TUSC3: variants seen among roughly 807,000 people sequenced by gnomAD.
TUSC3 encodes the protein tumor suppressor candidate 3.
A neutral mutation model predicts 44.8 loss-of-function variants in TUSC3; 45 were observed. The ratio of observed to expected loss-of-function variants is 1.00; its 90% CI spans 0.79 to 1.29. The LOEUF is 1.29. TUSC3 is among the 50% of genes most tolerant of loss of function. The probability of loss-of-function intolerance (pLI) is 0.00; values close to 1 mark genes in which losing one functional copy is unlikely to be tolerated. For synonymous variants in TUSC3, 212 were observed against 152.9 expected (o/e 1.39, Z -2.85); for missense variants, 519 against 437.9 (o/e 1.19, Z -1.65).
intron 1 of TUSC3, among the ~76,000 whole-genome samples, chr8:15,440,884 G>T (rs1031283780): frequency 6.6e-6 from 1 of 152,152 alleles, no homozygotes; most frequent in African/African-American, 2.4e-5. Context: ...TAGAGAGCTT[G>T]CTTGAGGATA....
At chr8:15,457,348 C>G (rs1027806428) in intron 1 of TUSC3, among the ~76,000 whole-genome samples, 1 of 151,262 alleles carries the variant, frequency 6.6e-6, no homozygotes. Flanking sequence ...AAAACAAAAA[C>G]AAATAGAAAA....
At chr8:15,601,004 G>C (rs569810770) in intron 1 of TUSC3, among the ~76,000 whole-genome samples, 1 of 151,590 alleles carries the variant, frequency 6.6e-6, no homozygotes, top group South Asian at 2.1e-4. Flanking sequence ...GAAATACACA[G>C]GTTCACTGAA....
intron 1 of TUSC3, among the ~76,000 whole-genome samples, chr8:15,478,439 G>T (rs771364736): frequency 2.6e-5 from 4 of 151,872 alleles, no homozygotes; most frequent in Admixed American, 6.6e-5. Context: ...CCCAACTCCC[G>T]CCAAGAGGCC....
intron 1 of TUSC3, among the ~76,000 whole-genome samples, chr8:15,450,736 A>T (rs1585050560): frequency 6.6e-6 from 1 of 152,230 alleles, no homozygotes; most frequent in South Asian, 2.1e-4. Flanking sequence ...AGCCTTAGTA[A>T]CACAGAAGTT....
downstream of TUSC3, among the ~76,000 whole-genome samples, chr8:15,770,375 A>C (rs1812419627): frequency 6.6e-6 from 1 of 152,090 alleles, no homozygotes; most frequent in Non-Finnish European, 1.5e-5. Context: ...GCATGGACAC[A>C]CGGAGGGGAA....
intron 6 of TUSC3, among the ~76,000 whole-genome samples, chr8:15,711,498 T>C (rs1031581817): frequency 7.6e-6 from 1 of 130,852 alleles, no homozygotes; most frequent in Non-Finnish European, 1.7e-5. Flanking sequence ...GTGTGTGTAT[T>C]TAATATGTGT....
intron 1 of TUSC3, among the ~76,000 whole-genome samples, chr8:15,584,580 T>G (rs976354498): frequency 5.3e-5 from 8 of 152,122 alleles, no homozygotes; most frequent in African/African-American, 1.7e-4. Context: ...GAAGTCTGTA[T>G]CTCTGAATGG....
chr8:15,813,377 C>A, the TUSC3 span, among the ~76,000 whole-genome samples: 20,855 of 51,574 alleles, frequency 0.4, 1,602 homozygotes, highest in East Asian at 0.47. Context: ...ATTTCTGAAA[C>A]AAACAAACAA....
chr8:15,686,813 A>G (rs1808650914), intron 6 of TUSC3, among the ~76,000 whole-genome samples: 2 of 152,186 alleles, frequency 1.3e-5, no homozygotes, highest in Non-Finnish European at 2.9e-5. Flanking sequence ...TCAAGCCTGT[A>G]ATCCCAGCAC....
At chr8:15,834,017 CAATTT>C in the TUSC3 span, among the ~76,000 whole-genome samples, 4 of 152,004 alleles carry the variant, frequency 2.6e-5, no homozygotes, top group African/African-American at 9.6e-5. Flanking sequence ...CTTTTCAGTT[CAATTT>C]GTCTATCATA....
intron 6 of TUSC3, among the ~76,000 whole-genome samples, chr8:15,683,309 C>G (rs1808498681): frequency 6.6e-6 from 1 of 152,146 alleles, no homozygotes; most frequent in Non-Finnish European, 1.5e-5. Flanking sequence ...TTTACACAAT[C>G]TCTTATTTCT....
chr8:15,768,462 A>T (rs1253115900), downstream of TUSC3, among the ~76,000 whole-genome samples: 1 of 152,198 alleles, frequency 6.6e-6, no homozygotes, highest in Non-Finnish European at 1.5e-5. Context: ...AAATTAACAG[A>T]AACTGACCCT....
the TUSC3 span, among the ~76,000 whole-genome samples, chr8:15,790,162 C>T: frequency 7.0e-6 from 1 of 142,394 alleles, no homozygotes; most frequent in African/African-American, 2.6e-5. Context: ...TGGTAACTAA[C>T]AGGTCATTGT....
the TUSC3 span, among the ~76,000 whole-genome samples, chr8:15,843,243 C>T: frequency 6.6e-6 from 1 of 152,090 alleles, no homozygotes; most frequent in African/African-American, 2.4e-5. Context: ...GTATTCATTG[C>T]TAATGGGTGA....
intron 1 of TUSC3, among the ~76,000 whole-genome samples, chr8:15,477,057 A>G (rs537761101): frequency 6.6e-6 from 1 of 152,308 alleles, no homozygotes; most frequent in Admixed American, 6.5e-5. Context: ...TTTCCATCTG[A>G]CACTCATCAA....
chr8:15,603,143 A>G (rs1463487750), intron 1 of TUSC3, among the ~76,000 whole-genome samples: 1 of 151,692 alleles, frequency 6.6e-6, no homozygotes, highest in African/African-American at 2.4e-5. Flanking sequence ...CTAATACATG[A>G]CTAGTTAATT....
At chr8:15,470,897 G>T (rs952737784) in intron 1 of TUSC3, among the ~76,000 whole-genome samples, 1 of 152,114 alleles carries the variant, frequency 6.6e-6, no homozygotes, top group African/African-American at 2.4e-5. Flanking sequence ...CCTGCCTTGT[G>T]CCCTGAGCTG....
chr8:15,541,209 G>C (rs1003745244), intron 1 of TUSC3, among the ~76,000 whole-genome samples: 1 of 152,164 alleles, frequency 6.6e-6, no homozygotes, highest in African/African-American at 2.4e-5. Flanking sequence ...ATTTATTTCT[G>C]AAGTTCATTC....
chr8:15,610,016 C>T (rs930867917), intron 1 of TUSC3, among the ~76,000 whole-genome samples: 4 of 151,812 alleles, frequency 2.6e-5, no homozygotes, highest in African/African-American at 9.7e-5. Flanking sequence ...TATTTCCTAG[C>T]TGTTTTTATT....
Sources: allele counts gnomAD v4.1 joint callset (sites outside exome capture counted in the v4.1 genomes callset), GRCh38; gene constraint gnomAD v4.1.1; transcripts MANE v1.5; gene names NCBI Gene and HGNC (gene_info 2026-07-23, HGNC 2026-07-21).